TRIM49B: variants seen among roughly 807,000 people sequenced by gnomAD.
The protein encoded by TRIM49B is tripartite motif containing 49B, also known as putative tripartite motif-containing protein 49B.
In TRIM49B, 18 loss-of-function variants were observed where a neutral mutation model predicts 31.8. The observed-to-expected ratio is 0.57, with a 90% CI of 0.39 to 0.84. TRIM49B has a LOEUF of 0.84. TRIM49B is among the 40% of genes least tolerant of loss of function. The pLI is 0.00. For missense variants in TRIM49B, 494 were observed against 538.7 expected, an observed-to-expected ratio of 0.92 and a Z score of 0.82; for synonymous variants, 196 against 180.6, an observed-to-expected ratio of 1.09 and a Z score of -0.68.
At position 49,031,399 on chromosome 11, in the gene TRIM49B, T is replaced by C. The variant is rs113366217; in HGVS notation, c.-4-197T>C. Among the ~76,000 whole-genome samples the C allele has an allele frequency of 8.0e-3, 1,221 of 152,342 alleles. 13 individuals carry two copies. The highest frequency in any genetic ancestry group is 0.028 in the African/African-American group (1,150 of 41,576). ...GGAGTAGAAGGGACTGTGAGTGCTC[T>C]AGTTAGTAATATCTGTTATAAAGCC... On this transcript the variant is annotated intron_variant, in intron 1 of 6. Transcript: ENST00000332682.
rs771629114 is a variant in TRIM49B, at chr11:49,037,616, C to T, written c.998C>T (p.Ala333Val). 3 of 1,613,926 alleles carry T rather than the reference C, an allele frequency of 1.9e-6. No homozygotes were observed. The African/African-American group carries it at 4.0e-5, about 22-fold the overall frequency. Residue 333 changes from alanine (A) to valine (V), a missense_variant, in exon 7 of 7, where the codon GCT becomes GTT. Transcript: ENST00000332682. ...CCTAGAAGTTTTCTTGCATGGGGTGCTCAGACTTTCACCTCGGGCAAATAT... is the reference window on the plus strand; with the variant it reads ...CCTAGAAGTTTTCTTGCATGGGGTGTTCAGACTTTCACCTCGGGCAAATAT... ...ATPRSFLAWG[A>V]QTFTSGKYYW...
chr11:49,036,088 A>AAT (rs1554969978), intron 5 of TRIM49B, among the ~76,000 whole-genome samples: 1 of 151,716 alleles, frequency 6.6e-6, no homozygotes, highest in East Asian at 1.9e-4. Flanking sequence ...GGCAAAAAAA[A>AAT]AGAAGGATCA....
At position 49,036,303 on chromosome 11, in the gene TRIM49B, G is replaced by A. The variant is rs1590636578; in HGVS notation, c.764G>A (p.Ser255Asn). The change falls in exon 6 of 7, where the codon AGT (serine) becomes AAT (asparagine). Residue 255 changes from serine to asparagine, a missense_variant and splice_region_variant. Physicochemically the swap from Ser to Asn is conservative, Grantham distance 46 (BLOSUM62 1). Transcript: ENST00000332682. ...TAACTGCAGGTTTTTCCTTGCAGGA[G>A]TGAGTCCGTGCTGCTGCACATGCCC... Reference protein sequence around the residue: ...LQAFGDILHRSESVLLHMPQP... With the variant: ...LQAFGDILHRNESVLLHMPQP... The A allele has an allele frequency of 2.6e-6, 4 of 1,537,586 alleles. No homozygotes were observed. Among genetic ancestry groups the A allele is most frequent in the African/African-American group, 1.4e-5 (1 of 72,778 alleles).
intron 4 of TRIM49B, among the ~76,000 whole-genome samples, chr11:49,034,757 G>C (rs1291271000): frequency 6.6e-6 from 1 of 152,142 alleles, no homozygotes; most frequent in Non-Finnish European, 1.5e-5. Context: ...TTGCATTAAC[G>C]TTATTTTGGG....
At chr11:49,034,470 A>G (rs78582315) in intron 4 of TRIM49B, 94 bp downstream of exon 4, 44 of 1,609,860 alleles carry the variant, frequency 2.7e-5, no homozygotes, top group Non-Finnish European at 3.5e-5. Context: ...TTTTATTTCC[A>G]TGATGTGTTT....
At chr11:49,035,785 G>A (rs1335538796) in intron 5 of TRIM49B, among the ~76,000 whole-genome samples, 1 of 152,152 alleles carries the variant, frequency 6.6e-6, no homozygotes, top group Non-Finnish European at 1.5e-5. Flanking sequence ...GTGAAAAAGT[G>A]TTGATGTTTT....
At chr11:49,030,440 G>A (rs1289938392) in intron 1 of TRIM49B, among the ~76,000 whole-genome samples, 3 of 152,146 alleles carry the variant, frequency 2.0e-5, no homozygotes, top group African/African-American at 7.2e-5. Flanking sequence ...GAATTCATCA[G>A]GAAAATTAAT....
At chr11:49,032,920 A>G (rs1371858793) in intron 3 of TRIM49B, among the ~76,000 whole-genome samples, 1 of 152,320 alleles carries the variant, frequency 6.6e-6, no homozygotes. Flanking sequence ...AGAAATACGG[A>G]TTTGTGTCTT....
chr11:49,032,049 A>G (rs2696923), intron 2 of TRIM49B, 39 bp downstream of exon 2: 1,288,293 of 1,611,512 alleles, frequency 0.8, 519,298 homozygotes, highest in African/African-American at 0.84. Context: ...TGTAAAGGAT[A>G]CATAAAATTC....
At chr11:49,036,089 A>AG (rs59780191) in intron 5 of TRIM49B, among the ~76,000 whole-genome samples, 2 of 151,470 alleles carry the variant, frequency 1.3e-5, no homozygotes, top group Admixed American at 1.3e-4. Flanking sequence ...GCAAAAAAAA[A>AG]GAAGGATCAG....
rs573570319 is a variant in TRIM49B, at chr11:49,032,499, G to A, written c.507+128G>A. The A allele has an allele frequency of 1.6e-5, 25 of 1,519,632 alleles. 1 individual carries two copies. In the East Asian group the frequency reaches 2.6e-4, roughly 16 times the overall value. 94.1% of individuals were successfully genotyped at this position (1,519,632 alleles called of 1,614,324 possible). A position where few individuals can be genotyped will look rare whatever the true frequency, so the allele number is the denominator to read the frequency against. On this transcript the variant is annotated intron_variant, in intron 3 of 6. Transcript: ENST00000332682. Reference sequence around the variant, plus strand: ...AGTAAAAAAAAAAGAAAAAAAAAGCGAGAGAAAACATTGAGAAAAAGTGGC... The same window carrying A: ...AGTAAAAAAAAAAGAAAAAAAAAGCAAGAGAAAACATTGAGAAAAAGTGGC...
At chr11:49,035,382 C>T (rs577016970) in intron 5 of TRIM49B, among the ~76,000 whole-genome samples, 15 of 61,036 alleles carry the variant, frequency 2.5e-4, no homozygotes, top group Admixed American at 1.3e-3. Context: ...TTTTTTGAGA[C>T]GGTGTCTGGC....
At chr11:49,030,074 C>T (rs1188994795) in intron 1 of TRIM49B, among the ~76,000 whole-genome samples, 1 of 152,140 alleles carries the variant, frequency 6.6e-6, no homozygotes, top group East Asian at 1.9e-4. Context: ...TGGCACGTGC[C>T]TATAATCCCA....
chr11:49,031,657 A>G lies in TRIM49B; in HGVS notation c.58A>G (p.Asn20Asp). The G allele has an allele frequency of 6.2e-7, 1 of 1,613,952 alleles. No individual in the cohort carries two copies. Among genetic ancestry groups the G allele is most frequent in the Admixed American group, 1.7e-5 (1 of 60,006 alleles). Residue 20 changes from asparagine (N) to aspartate (D), a missense_variant, in exon 2 of 7, where the codon AAC becomes GAC. Physicochemically the swap from Asn to Asp is conservative, Grantham distance 23 (BLOSUM62 1). This residue lies in a region of TRIM49B where 251 missense variants were observed against 232.8 expected (regional missense o/e 1.08). Transcript: ENST00000332682. ...QRELICPICM[N>D]YFIDPVTIDC... ...GGAACTCATCTGCCCCATCTGCATGAACTACTTCATAGACCCGGTCACCAT... is the reference window on the plus strand; with the variant it reads ...GGAACTCATCTGCCCCATCTGCATGGACTACTTCATAGACCCGGTCACCAT...
intron 2 of TRIM49B, 22 bp downstream of exon 2, chr11:49,032,032 C>T (rs1262294901): frequency 7.4e-6 from 12 of 1,611,710 alleles, no homozygotes; most frequent in African/African-American, 2.7e-5. Flanking sequence ...CTCTGAAGAT[C>T]GATTTCTGTA....
At chr11:49,033,899 AT>A (rs904059006) in intron 3 of TRIM49B, among the ~76,000 whole-genome samples, 3 of 152,192 alleles carry the variant, frequency 2.0e-5, no homozygotes, top group African/African-American at 7.2e-5. Flanking sequence ...CGAAATTCAA[AT>A]TGTGTTTTTT....
At position 49,037,471 on chromosome 11, in the gene TRIM49B, T is replaced by G. The variant is rs767465816; in HGVS notation, c.860-7T>G. 6.2e-7 allele frequency: 1 copy of G among 1,607,606 alleles called. No individual in the cohort carries two copies. The highest frequency in any genetic ancestry group is 1.3e-5 in the African/African-American group (1 of 74,488). ...ACGTCTATGCATGTTTTCTCTTTTTTTTGCAGTGCATATTACTCTGCATCA... is the reference window on the plus strand; with the variant it reads ...ACGTCTATGCATGTTTTCTCTTTTTGTTGCAGTGCATATTACTCTGCATCA... On this transcript the variant is annotated splice_region_variant and splice_polypyrimidine_tract_variant and intron_variant, in intron 6 of 6. Transcript: ENST00000332682.
chr11:49,037,354 A>C (rs1176166117), intron 6 of TRIM49B, 124 bp from the exon 7 acceptor site: 2 of 1,211,940 alleles, frequency 1.7e-6, no homozygotes, highest in Non-Finnish European at 2.2e-6. Flanking sequence ...CCATCTCTAT[A>C]CTTTACTAGA....
rs756393564 is a variant in TRIM49B at position 49,034,159 on chromosome 11, T to C, written c.521T>C (p.Leu174Ser). The change falls in exon 4 of 7, where the codon TTA (leucine) becomes TCA (serine). Residue 174 changes from leucine (L) to serine (S), a missense_variant. By Grantham distance (145) the Leu-to-Ser change is moderately radical. This residue lies in a region of TRIM49B where 251 missense variants were observed against 232.8 expected (regional missense o/e 1.08). Transcript: ENST00000332682. Reference sequence around the variant, plus strand: ...TTATCACTGCAGGATTATGTGAATTTAAGGCTAGAAGCAATTAGAGCTGAG... The same window carrying C: ...TTATCACTGCAGGATTATGTGAATTCAAGGCTAGAAGCAATTAGAGCTGAG... ...RTRCWKDYVN[L>S]RLEAIRAEYQ... 5 of 1,611,896 alleles carry C rather than the reference T, an allele frequency of 3.1e-6. No homozygotes were observed. The South Asian group carries it at 5.5e-5, about 18-fold the overall frequency.
Sources: gnomAD v4.1 joint callset for allele counts (sites outside exome capture counted in the v4.1 genomes callset) on GRCh38, gnomAD v4.1.1 for gene constraint, gnomAD v4.1.1 regional missense constraint, MANE v1.5 for transcripts, NCBI Gene and HGNC (gene_info 2026-07-23, HGNC 2026-07-21) for gene names.